PGP: variants seen among roughly 807,000 people sequenced by gnomAD.
The protein encoded by PGP is phosphoglycolate phosphatase.
Under a neutral mutation model 19.3 loss-of-function variants are expected in PGP, and 9 were observed. That is an observed-to-expected ratio of 0.47 (90% CI 0.28 to 0.81). The LOEUF is 0.81. PGP is among the 40% of genes least tolerant of loss of function. PGP has a pLI of 0.11. For synonymous variants in PGP, 308 were observed against 226.8 expected (o/e 1.36, Z -3.22); for missense variants, 403 against 479.9 (o/e 0.84, Z 1.50).
In PGP at chr16:2,214,777, T is replaced by TCGCCGCCCACCGGCCGC; in HGVS notation, c.-1_1insGCGGCCGGTGGGCGGCG. 1 of 1,018,214 alleles carries TCGCCGCCCACCGGCCGC rather than the reference T, an allele frequency of 9.8e-7. No homozygotes were observed. Among genetic ancestry groups the TCGCCGCCCACCGGCCGC allele is most frequent in the Non-Finnish European group, 1.2e-6 (1 of 844,600 alleles). The allele number at this position is 1,018,214 out of a possible 1,614,324, so 63.1% of individuals were successfully genotyped here. A position where few individuals can be genotyped will look rare whatever the true frequency, so the allele number is the denominator to read the frequency against. ...TCGCCACCGGCCTCCGCCGCCGCCA[T>TCGCCGCCCACCGGCCGC]CGCCGCCCGCCGGCCGCCGCCGCCC... On this transcript the variant is annotated 5_prime_UTR_variant, in exon 1 of 2. Transcript: ENST00000333503. This position sits in a 1 kb window ranked among gnomAD's most constrained non-coding sequence, Gnocchi z 7.1.
chr16:2,212,345 G>A lies in PGP; in HGVS notation c.*1383C>T. 2 of 986,194 alleles carry A rather than the reference G, an allele frequency of 2.0e-6. No individual in the cohort carries two copies. The highest frequency in any genetic ancestry group is 1.2e-6 in the Non-Finnish European group (1 of 830,300). The allele number at this position is 986,194 out of a possible 1,614,324, so 61.1% of individuals were successfully genotyped here. A position where few individuals can be genotyped will look rare whatever the true frequency, so the allele number is the denominator to read the frequency against. On this transcript the variant is annotated 3_prime_UTR_variant, in exon 2 of 2. Transcript: ENST00000333503. ...ACCAAGTGGAGTGCTGTGACTGTGGGGCCAAGAGAGAAGCTGCCAGGTACA... is the reference window on the plus strand; with the variant it reads ...ACCAAGTGGAGTGCTGTGACTGTGGAGCCAAGAGAGAAGCTGCCAGGTACA...
In PGP at chr16:2,212,351, G is replaced by T. The variant is rs1463981179; in HGVS notation, c.*1377C>A. 1.0e-6 allele frequency: 1 copy of T among 986,084 alleles called. No homozygotes were observed. The allele number at this position is 986,084 out of a possible 1,614,324, so 61.1% of individuals were successfully genotyped here. On this transcript the variant is annotated 3_prime_UTR_variant, in exon 2 of 2. Transcript: ENST00000333503. ...TGGAGTGCTGTGACTGTGGGGCCAA[G>T]AGAGAAGCTGCCAGGTACAGGGAAA...
chr16:2,213,343 C>G lies in PGP; in HGVS notation c.*385G>C. On this transcript the variant is annotated 3_prime_UTR_variant, in exon 2 of 2. Transcript: ENST00000333503. ...CAGTCAGAATAATCAGTCCCTCTGC[C>G]CCCTGAGGGGCTGGATCCCTGAATG... 2.0e-6 allele frequency: 2 copies of G among 993,036 alleles called. No homozygotes were observed. The highest frequency in any genetic ancestry group is 2.4e-6 in the Non-Finnish European group (2 of 834,780). 61.5% of individuals were successfully genotyped at this position (993,036 alleles called of 1,614,324 possible).
In PGP at chr16:2,213,759, AT is replaced by A; in HGVS notation, c.934del (p.Ile312Ter). 1.3e-6 allele frequency: 2 copies of A among 1,565,822 alleles called. No individual in the cohort carries two copies. The highest frequency in any genetic ancestry group is 1.7e-6 in the Non-Finnish European group (2 of 1,149,322). ...TTGAAGGGCAGGCAAAAGGTCGGCT[AT>A]GCTGTCAACATAGAAGTCAGGGACC... ...KMVPDFYVDS[I>X]ADLLPALQG On this transcript the variant is annotated frameshift_variant, in exon 2 of 2. Transcript: ENST00000333503. LOFTEE classifies it high-confidence loss of function.
Position 2,214,379 on chromosome 16 carries a change from C to T in PGP, c.399G>A (p.Leu133=). 6.9e-7 allele frequency: 1 copy of T among 1,456,296 alleles called. No individual in the cohort carries two copies. The highest frequency in any genetic ancestry group is 9.0e-7 in the Non-Finnish European group (1 of 1,116,328). 90.2% of individuals were successfully genotyped at this position (1,456,296 alleles called of 1,614,324 possible). ...CCACGCTGGCGACGCCCACGGCCTC[C>T]AGCTCCGCGGCCAGGGCTGGGCTGC... The part of the protein sequence containing the change: ...VLGSPALAAE[L]EAVGVASVGV... The change falls in exon 1 of 2, where the codon CTG becomes CTA. Residue 133 remains leucine, a synonymous_variant. Transcript: ENST00000333503. The surrounding 1 kb of genome is among the most constrained non-coding windows in gnomAD (Gnocchi z 7.1).
rs778192342 is a variant in PGP, at chr16:2,213,887, G to A, written c.807C>T (p.Gly269=). ...GGATGGTCTTCAGGCCACAGGTGGC[G>A]CCTAGGAGGATGTCTGTGTCCAGGC... ...GDRLDTDILL[G]ATCGLKTILT... is the part of the protein sequence containing the mutation. Residue 269 remains glycine (G), a synonymous_variant, in exon 2 of 2, where the codon GGC becomes GGT. Transcript: ENST00000333503. 4 of 1,613,250 alleles carry A rather than the reference G, an allele frequency of 2.5e-6. No homozygotes were observed. The highest frequency in any genetic ancestry group is 2.2e-5 in the East Asian group (1 of 44,852).
Position 2,212,287 on chromosome 16 carries a change from C to G in PGP, c.*1441G>C. 1.0e-6 allele frequency: 1 copy of G among 985,962 alleles called. No homozygotes were observed. Among genetic ancestry groups the G allele is most frequent in the Non-Finnish European group, 1.2e-6 (1 of 830,052 alleles). The allele number at this position is 985,962 out of a possible 1,614,324, so 61.1% of individuals were successfully genotyped here. A position where few individuals can be genotyped will look rare whatever the true frequency, so the allele number is the denominator to read the frequency against. ...CCAGGCCTGGGAGGTGCTGAAGGCT[C>G]AGGACGCCTCTTATTGCTCTGAAGT... is the stretch of plus-strand genomic sequence containing the variant. On this transcript the variant is annotated 3_prime_UTR_variant, in exon 2 of 2. Coordinates refer to ENST00000333503, the MANE Select transcript of PGP (RefSeq NM_001042371.3).
Position 2,214,297 on chromosome 16 carries a change from G to A in PGP, c.481C>T (p.Leu161=), listed in dbSNP as rs1192052900. ...EGPGDWLHAP[L]EPDVRAVVVG... is the part of the protein sequence containing the mutation. ...ACCACCGCGCGCACGTCGGGCTCCA[G>A]CGGCGCGTGCAGCCAGTCGCCGGGA... Residue 161 remains leucine (L), a synonymous_variant, in exon 1 of 2, where the codon CTG becomes TTG. Transcript: ENST00000333503. The surrounding 1 kb of genome is among the most constrained non-coding windows in gnomAD (Gnocchi z 7.1). 6 of 1,558,732 alleles carry A rather than the reference G, an allele frequency of 3.8e-6. No individual in the cohort carries two copies. The African/African-American group carries it at 8.1e-5, about 21-fold the overall frequency.
Position 2,214,217 on chromosome 16 carries a change from G to A in PGP, c.561C>T (p.Tyr187=). Residue 187 remains tyrosine (Y), a synonymous_variant, in exon 1 of 2, where the codon TAC becomes TAT. Coordinates refer to ENST00000333503, the MANE Select transcript of PGP (RefSeq NM_001042371.3). This position sits in a 1 kb window ranked among gnomAD's most constrained non-coding sequence, Gnocchi z 7.1. ...SYMKLTKALR[Y]LQQPGCLLVG... ...CGAGCAGGCAGCCGGGCTGCTGCAG[G>A]TAGCGCAGGGCCTTGGTGAGCTTCA... The A allele has an allele frequency of 1.3e-6, 2 of 1,595,646 alleles. No individual in the cohort carries two copies. Among genetic ancestry groups the A allele is most frequent in the Non-Finnish European group, 1.7e-6 (2 of 1,178,958 alleles).
chr16:2,213,905 G>C lies in PGP; in HGVS notation c.789C>G (p.Asp263Glu), dbSNP rs767985149. The change falls in exon 2 of 2, where the codon GAC (aspartate) becomes GAG (glutamate). Residue 263 changes from aspartate (D) to glutamate (E), a missense_variant. Transcript: ENST00000333503. ...AGGTGGCGCCTAGGAGGATGTCTGT[G>C]TCCAGGCGGTCTCCCACCATGACGG... ...ERTVMVGDRLDTDILLGATCG... is the reference protein window; with the variant it reads ...ERTVMVGDRLETDILLGATCG... The C allele has an allele frequency of 6.2e-7, 1 of 1,613,280 alleles. No homozygotes were observed. The highest frequency in any genetic ancestry group is 1.6e-4 in the Middle Eastern group (1 of 6,080).
Position 2,214,094 on chromosome 16 carries a change from G to T in PGP, c.641-41C>A. 1.3e-6 allele frequency: 2 copies of T among 1,544,862 alleles called. No individual in the cohort carries two copies. The highest frequency in any genetic ancestry group is 8.7e-7 in the Non-Finnish European group (1 of 1,152,948). ...GACCGGGTCAAAGGGCAGGGAGGGG[G>T]CCCGCCGCCCGCCCCCCAGCCTCCC... On this transcript the variant is annotated intron_variant, in intron 1 of 1. Coordinates refer to ENST00000333503, the MANE Select transcript of PGP (RefSeq NM_001042371.3). This position sits in a 1 kb window ranked among gnomAD's most constrained non-coding sequence, Gnocchi z 7.1.
In PGP at chr16:2,213,776, G is replaced by A. The variant is rs2141405907; in HGVS notation, c.918C>T (p.Asp306=). 6.3e-7 allele frequency: 1 copy of A among 1,592,696 alleles called. No individual in the cohort carries two copies. The highest frequency in any genetic ancestry group is 8.6e-7 in the Non-Finnish European group (1 of 1,164,476). ...GGTCGGCTATGCTGTCAACATAGAAGTCAGGGACCATTTTCTTCTTAGACA... is the reference window on the plus strand; with the variant it reads ...GGTCGGCTATGCTGTCAACATAGAAATCAGGGACCATTTTCTTCTTAGACA... The part of the protein sequence containing the change: ...DCVSKKKMVP[D]FYVDSIADLL... The change falls in exon 2 of 2, where the codon GAC becomes GAT. Residue 306 remains aspartate, a synonymous_variant. Transcript: ENST00000333503.
Position 2,212,952 on chromosome 16 carries a change from G to C in PGP, c.*776C>G. 2 of 985,508 alleles carry C rather than the reference G, an allele frequency of 2.0e-6. No homozygotes were observed. Among genetic ancestry groups the C allele is most frequent in the Non-Finnish European group, 2.4e-6 (2 of 829,948 alleles). The allele number at this position is 985,508 out of a possible 1,614,324, so 61.0% of individuals were successfully genotyped here. On this transcript the variant is annotated 3_prime_UTR_variant, in exon 2 of 2. Coordinates refer to ENST00000333503, the MANE Select transcript of PGP (RefSeq NM_001042371.3). ...GTAGCAGCACTGCTCTGAGCTCCCT[G>C]CACTGCAGCCCGGAGTTCAGTGAAG... is the stretch of plus-strand genomic sequence containing the variant.
chr16:2,214,475 C>A lies in PGP; in HGVS notation c.303G>T (p.Thr101=). The A allele has an allele frequency of 1.4e-6, 2 of 1,382,078 alleles. No individual in the cohort carries two copies. Among genetic ancestry groups the A allele is most frequent in the South Asian group, 3.2e-5 (2 of 63,228 alleles). 85.6% of individuals were successfully genotyped at this position (1,382,078 alleles called of 1,614,324 possible). A position where few individuals can be genotyped will look rare whatever the true frequency, so the allele number is the denominator to read the frequency against. Residue 101 remains threonine, a synonymous_variant, in exon 1 of 2, where the codon ACG becomes ACT. Transcript: ENST00000333503. The surrounding 1 kb of genome is among the most constrained non-coding windows in gnomAD (Gnocchi z 7.1). ...GPGASLEVFG[T]AYCTALYLRQ... Reference sequence around the variant, plus strand: ...GCAGGTAGAGCGCGGTGCAGTAGGCCGTGCCGAAGACCTCCAGGCTGGCGC... The same window carrying A: ...GCAGGTAGAGCGCGGTGCAGTAGGCAGTGCCGAAGACCTCCAGGCTGGCGC...
Position 2,214,110 on chromosome 16 carries a change from C to A in PGP, c.640+28G>T. The A allele has an allele frequency of 6.5e-7, 1 of 1,543,472 alleles. No homozygotes were observed. The highest frequency in any genetic ancestry group is 8.7e-7 in the Non-Finnish European group (1 of 1,151,734). ...AGGGAGGGGGCCCGCCGCCCGCCCCCCAGCCTCCCGCCCCAGGGCGCACGG... is the reference window on the plus strand; with the variant it reads ...AGGGAGGGGGCCCGCCGCCCGCCCCACAGCCTCCCGCCCCAGGGCGCACGG... On this transcript the variant is annotated intron_variant, in intron 1 of 1. Transcript: ENST00000333503. The surrounding 1 kb of genome is among the most constrained non-coding windows in gnomAD (Gnocchi z 7.1).
rs930746159 is a variant in PGP, at chr16:2,212,946, C to T, written c.*782G>A. On this transcript the variant is annotated 3_prime_UTR_variant, in exon 2 of 2. Transcript: ENST00000333503. ...AAACTGGTAGCAGCACTGCTCTGAG[C>T]TCCCTGCACTGCAGCCCGGAGTTCA... The T allele has an allele frequency of 3.0e-6, 3 of 985,384 alleles. No individual in the cohort carries two copies. The African/African-American group carries it at 5.2e-5, about 17-fold the overall frequency. The allele number at this position is 985,384 out of a possible 1,614,324, so 61.0% of individuals were successfully genotyped here. A position where few individuals can be genotyped will look rare whatever the true frequency, so the allele number is the denominator to read the frequency against.
Position 2,213,836 on chromosome 16 carries a change from T to C in PGP, c.858A>G (p.Leu286=). ...TILTLTGVST[L]GDVKNNQESD... ...TTTCCTGATTATTCTTCACATCCCC[T>C]AGAGTGGAGACTCCGGTGAGGGTCA... Residue 286 remains leucine, a synonymous_variant, in exon 2 of 2, where the codon CTA becomes CTG. Transcript: ENST00000333503. 5.6e-6 allele frequency: 9 copies of C among 1,611,792 alleles called. No homozygotes were observed. Among genetic ancestry groups the C allele is most frequent in the Non-Finnish European group, 7.6e-6 (9 of 1,178,246 alleles).
chr16:2,213,455 G>T lies in PGP; in HGVS notation c.*273C>A. The T allele has an allele frequency of 1.2e-6, 1 of 813,132 alleles. No individual in the cohort carries two copies. The highest frequency in any genetic ancestry group is 4.9e-5 in the East Asian group (1 of 20,242). 50.4% of individuals were successfully genotyped at this position (813,132 alleles called of 1,614,324 possible). A position where few individuals can be genotyped will look rare whatever the true frequency, so the allele number is the denominator to read the frequency against. ...CTGGTTACCTGAATCCCGGACAGGT[G>T]CAGAGCCTGCCCCTGCCAACCCCAC... On this transcript the variant is annotated 3_prime_UTR_variant, in exon 2 of 2. Transcript: ENST00000333503.
In PGP at chr16:2,212,162, C is replaced by T. The variant is rs893550701; in HGVS notation, c.*1566G>A. ...TGTGACTGCACCCTGTCAGGCCAGA[C>T]CCGGCTTGAGCCAACTTAGCCAAGC... is the stretch of plus-strand genomic sequence containing the variant. On this transcript the variant is annotated 3_prime_UTR_variant, in exon 2 of 2. Transcript: ENST00000333503. The T allele has an allele frequency of 2.0e-6, 2 of 985,616 alleles. No homozygotes were observed. The highest frequency in any genetic ancestry group is 3.5e-5 in the African/African-American group (2 of 57,258). 61.1% of individuals were successfully genotyped at this position (985,616 alleles called of 1,614,324 possible).
Sources: gnomAD v4.1 joint callset for allele counts on GRCh38, gnomAD v4.1.1 for gene constraint, Gnocchi (gnomAD v3.1) non-coding constraint, MANE v1.5 for transcripts, NCBI Gene and HGNC (gene_info 2026-07-23, HGNC 2026-07-21) for gene names.